DMXL1: variants seen among roughly 807,000 people sequenced by gnomAD.
DMXL1 encodes Dmx like 1.
In DMXL1, 99 loss-of-function variants were observed where a neutral mutation model predicts 319.2. The ratio of observed to expected loss-of-function variants is 0.31; its 90% confidence interval spans 0.26 to 0.37. DMXL1 has a LOEUF of 0.37. Ranked by LOEUF, DMXL1 falls within the 10% of genes least tolerant of loss-of-function variation. DMXL1 has a pLI of 1.00. For synonymous variants in DMXL1, 1,385 were observed against 1,235.2 expected, an observed-to-expected ratio of 1.12 and a Z score of -2.54; for missense variants, 3,745 against 3,595.6, an observed-to-expected ratio of 1.04 and a Z score of -1.06.
chr5:119,094,851 CT>C (rs745994850), intron 1 of DMXL1, among the ~76,000 whole-genome samples: 815 of 133,812 alleles, frequency 6.1e-3, no homozygotes, highest in Middle Eastern at 0.012. Context: ...CTTGCACAAT[CT>C]TTTTTTTTTT....
intron 19 of DMXL1, among the ~76,000 whole-genome samples, chr5:119,162,065 G>A (rs1772392897): frequency 1.3e-5 from 2 of 152,322 alleles, no homozygotes; most frequent in Admixed American, 6.5e-5. Context: ...CACTGGGGAA[G>A]CTCAATGTCT....
intron 13 of DMXL1, among the ~76,000 whole-genome samples, chr5:119,138,569 T>A (rs1339452968): frequency 6.6e-6 from 1 of 152,218 alleles, no homozygotes; most frequent in Non-Finnish European, 1.5e-5. Context: ...CCAGGAACGA[T>A]GGCTCATGCC....
chr5:119,214,034 T>C (rs1377157609), intron 34 of DMXL1, among the ~76,000 whole-genome samples: 1 of 152,144 alleles, frequency 6.6e-6, no homozygotes, highest in Non-Finnish European at 1.5e-5. Context: ...ATCTTTCCTG[T>C]CTTTACTCTC....
chr5:119,159,082 C>T (rs1229987488), intron 19 of DMXL1, among the ~76,000 whole-genome samples: 1 of 151,866 alleles, frequency 6.6e-6, no homozygotes, highest in East Asian at 1.9e-4. Flanking sequence ...GTAGAATTCA[C>T]CGGTGATGCG....
chr5:119,109,998 C>T (rs561024107), intron 4 of DMXL1, among the ~76,000 whole-genome samples, 153 bp from the exon 5 acceptor site: 3 of 152,192 alleles, frequency 2.0e-5, no homozygotes, highest in South Asian at 4.2e-4. Context: ...GCTATTTTAA[C>T]GAAATTAAAA....
intron 39 of DMXL1, among the ~76,000 whole-genome samples, chr5:119,235,750 G>A (rs1787629701): frequency 6.6e-6 from 1 of 152,090 alleles, no homozygotes; most frequent in Non-Finnish European, 1.5e-5. Context: ...ATCCCACCCT[G>A]CCACTAAATG....
intron 17 of DMXL1, among the ~76,000 whole-genome samples, chr5:119,147,746 T>C (rs1768898139): frequency 6.6e-6 from 1 of 152,206 alleles, no homozygotes; most frequent in South Asian, 2.1e-4. Flanking sequence ...GCGGAGATGG[T>C]AACTAAGTTG....
At chr5:119,112,754 C>A (rs1030410368) in intron 5 of DMXL1, among the ~76,000 whole-genome samples, 1 of 152,060 alleles carries the variant, frequency 6.6e-6, no homozygotes, top group Non-Finnish European at 1.5e-5. Context: ...GTCGGCAATT[C>A]AAGACCAGCC....
chr5:119,242,370 C>CA (rs761885179), intron 42 of DMXL1, among the ~76,000 whole-genome samples: 62 of 152,118 alleles, frequency 4.1e-4, no homozygotes, highest in Non-Finnish European at 7.1e-4. Flanking sequence ...TTACCATTTA[C>CA]AATAGCACCC....
intron 1 of DMXL1, among the ~76,000 whole-genome samples, chr5:119,073,794 A>G (rs1161100391): frequency 2.0e-5 from 3 of 152,166 alleles, no homozygotes; most frequent in Non-Finnish European, 4.4e-5. Flanking sequence ...TTGACTCTTT[A>G]AGTTGCTTAC....
In DMXL1 at chr5:119,197,825, C is replaced by A; in HGVS notation, c.7614C>A (p.Leu2538=). Residue 2538 remains leucine, a synonymous_variant, in exon 32 of 44, where the codon CTC becomes CTA. Coordinates refer to ENST00000539542, the MANE Select transcript of DMXL1 (RefSeq NM_001290321.3). ...KTLQCWEQVL[L]RRLEIHGGPP... Reference sequence around the variant, plus strand: ...TTCAATGTTGGGAACAAGTTCTTCTCCGACGACTTGAAATCCATGGTGGGC... The same window carrying A: ...TTCAATGTTGGGAACAAGTTCTTCTACGACGACTTGAAATCCATGGTGGGC... The A allele has an allele frequency of 6.2e-7, 1 of 1,614,148 alleles. No individual in the cohort carries two copies.
chr5:119,167,241 C>T (rs989284600), intron 22 of DMXL1, among the ~76,000 whole-genome samples: 1 of 152,020 alleles, frequency 6.6e-6, no homozygotes, highest in African/African-American at 2.4e-5. Flanking sequence ...TCAAAACAAC[C>T]TTTTAATATG....
chr5:119,173,799 A>ATATATATATATATATATATATATAT (rs1400785907), intron 25 of DMXL1, among the ~76,000 whole-genome samples: 1 of 44,280 alleles, frequency 2.3e-5, no homozygotes, highest in Non-Finnish European at 4.6e-5. Flanking sequence ...TATATATATA[A>ATATATATATATATATATATATATAT]TGAGAGAGAG....
At chr5:119,114,444 G>A in intron 5 of DMXL1, 31 bp from the exon 6 acceptor site, 1 of 1,477,570 alleles carries the variant, frequency 6.8e-7, no homozygotes, top group Non-Finnish European at 9.3e-7. Flanking sequence ...AGTTTTCATT[G>A]CAAATTATTC....
intron 13 of DMXL1, among the ~76,000 whole-genome samples, chr5:119,141,549 G>C (rs1004015021): frequency 9.9e-5 from 15 of 152,066 alleles, no homozygotes; most frequent in African/African-American, 3.1e-4. Flanking sequence ...TATCCAGGGG[G>C]GTGGAAGATC....
chr5:119,145,235 T>G (rs943170412), intron 15 of DMXL1, among the ~76,000 whole-genome samples: 4 of 151,796 alleles, frequency 2.6e-5, no homozygotes, highest in Non-Finnish European at 4.4e-5. Flanking sequence ...ACAAAGAAGT[T>G]ATCAAGATTC....
At chr5:119,112,747 G>A (rs1317469442) in intron 5 of DMXL1, among the ~76,000 whole-genome samples, 2 of 151,958 alleles carry the variant, frequency 1.3e-5, no homozygotes, top group Non-Finnish European at 2.9e-5. Context: ...ACCTGAGGTC[G>A]GCAATTCAAG....
At chr5:119,243,190 T>C (rs989233242) in intron 42 of DMXL1, among the ~76,000 whole-genome samples, 21 of 152,236 alleles carry the variant, frequency 1.4e-4, no homozygotes, top group Admixed American at 1.3e-3. Flanking sequence ...TGCATTTTCC[T>C]CTGGGAAGTT....
At chr5:119,171,504 A>C (rs138041821) in intron 24 of DMXL1, among the ~76,000 whole-genome samples, 5 of 88,224 alleles carry the variant, frequency 5.7e-5, no homozygotes, top group African/African-American at 1.9e-4. Flanking sequence ...TCACACTCCA[A>C]AGTGTTGTCT....
Sources: gnomAD v4.1 joint callset for allele counts (sites outside exome capture counted in the v4.1 genomes callset) on GRCh38, gnomAD v4.1.1 for gene constraint, MANE v1.5 for transcripts, NCBI Gene and HGNC (gene_info 2026-07-23, HGNC 2026-07-21) for gene names.